The following ADAMTSL1 variants were observed in gnomAD, a reference collection of about 807,000 sequenced individuals.
ADAMTSL1 encodes ADAMTS-like protein 1.
A neutral mutation model predicts 201.8 loss-of-function variants in ADAMTSL1; 126 were observed. That is an observed-to-expected ratio of 0.62 (90% confidence interval 0.54 to 0.72). The LOEUF (loss-of-function observed/expected upper bound fraction) is 0.72. Among genes scored for constraint, ADAMTSL1 ranks in the 30% least tolerant of loss-of-function variants. The pLI is 0.00. For synonymous variants in ADAMTSL1, 1,121 were observed against 903.4 expected (o/e 1.24, Z -4.32); for missense variants, 2,679 against 2,277.8 (o/e 1.18, Z -3.59).
chr9:18,517,554 G>A (rs1818431443), intron 2 of ADAMTSL1, among the ~76,000 whole-genome samples: 4 of 150,064 alleles, frequency 2.7e-5, no homozygotes, highest in Admixed American at 6.6e-5. Flanking sequence ...ATCTCCCAAT[G>A]CTATCCCTCC....
intron 2 of ADAMTSL1, among the ~76,000 whole-genome samples, chr9:18,280,563 T>A (rs1832745153): frequency 6.6e-6 from 1 of 152,172 alleles, no homozygotes. Flanking sequence ...GAGTAGGAGG[T>A]TAAGCCTTCT....
chr9:18,183,487 T>C (rs1001745982), intron 2 of ADAMTSL1, among the ~76,000 whole-genome samples: 4 of 152,146 alleles, frequency 2.6e-5, no homozygotes, highest in African/African-American at 9.7e-5. Context: ...TGAAAAAGCA[T>C]TATTATCTAA....
chr9:17,976,196 C>G (rs1308388315), intron 1 of ADAMTSL1, among the ~76,000 whole-genome samples: 3 of 151,106 alleles, frequency 2.0e-5, no homozygotes, highest in Non-Finnish European at 4.4e-5. Context: ...ATCGCTTTAG[C>G]TATTTGGGGA....
chr9:18,278,825 C>G (rs1447179207), intron 2 of ADAMTSL1, among the ~76,000 whole-genome samples: 1 of 152,058 alleles, frequency 6.6e-6, no homozygotes, highest in Non-Finnish European at 1.5e-5. Flanking sequence ...CATAAGTTCT[C>G]TAGGCTTTCT....
intron 1 of ADAMTSL1, among the ~76,000 whole-genome samples, chr9:18,122,825 C>T (rs1471483688): frequency 6.6e-6 from 1 of 152,020 alleles, no homozygotes; most frequent in East Asian, 1.9e-4. Context: ...GTAGCCTCAA[C>T]CTCCCCAGGC....
intron 5 of ADAMTSL1, chr9:18,622,669 G>A: frequency 1.9e-6 from 1 of 529,924 alleles, no homozygotes; most frequent in Admixed American, 3.4e-5. Context: ...AGGACAGACT[G>A]TATCCCAGCT....
chr9:18,900,100 C>G (rs1209490035), intron 26 of ADAMTSL1, among the ~76,000 whole-genome samples: 2 of 151,930 alleles, frequency 1.3e-5, no homozygotes, highest in Non-Finnish European at 2.9e-5. Context: ...GAAAATAACT[C>G]CATTAAAAAG....
At chr9:18,138,058 G>C (rs989236788) in intron 1 of ADAMTSL1, among the ~76,000 whole-genome samples, 1 of 152,104 alleles carries the variant, frequency 6.6e-6, no homozygotes, top group Non-Finnish European at 1.5e-5. Context: ...AGCAGGGTTT[G>C]ATTCCCTGCT....
intron 2 of ADAMTSL1, among the ~76,000 whole-genome samples, chr9:18,273,892 A>G (rs1832482972): frequency 1.3e-5 from 2 of 152,242 alleles, no homozygotes; most frequent in South Asian, 4.1e-4. Context: ...ATCATTGTCA[A>G]CTGTGCAGAA....
At chr9:17,927,845 C>A (rs1345737974) in intron 1 of ADAMTSL1, among the ~76,000 whole-genome samples, 1 of 152,072 alleles carries the variant, frequency 6.6e-6, no homozygotes, top group East Asian at 1.9e-4. Context: ...CTAAGAACAG[C>A]TGTATATATA....
intron 1 of ADAMTSL1, among the ~76,000 whole-genome samples, chr9:18,095,671 G>C (rs542180536): frequency 6.6e-6 from 1 of 152,020 alleles, no homozygotes; most frequent in Admixed American, 6.6e-5. Context: ...TGATCCACCC[G>C]CCTCAGCCTC....
chr9:18,586,923 T>C (rs926848777), intron 4 of ADAMTSL1, among the ~76,000 whole-genome samples: 1 of 152,074 alleles, frequency 6.6e-6, no homozygotes. Flanking sequence ...ACCCCTTCCT[T>C]ATATCATAGA....
chr9:18,079,448 GT>G (rs1029606430), intron 1 of ADAMTSL1, among the ~76,000 whole-genome samples: 63 of 152,090 alleles, frequency 4.1e-4, no homozygotes, highest in Admixed American at 1.3e-3. Flanking sequence ...GGAGGCCGAG[GT>G]GGGCGGATCA....
At chr9:18,788,638 C>T (rs1821848804) in intron 19 of ADAMTSL1, among the ~76,000 whole-genome samples, 1 of 152,308 alleles carries the variant, frequency 6.6e-6, no homozygotes, top group South Asian at 2.1e-4. Flanking sequence ...TAAATACTAG[C>T]ACCCGCTCCC....
chr9:18,364,003 T>A (rs182697744), intron 2 of ADAMTSL1, among the ~76,000 whole-genome samples: 297 of 151,744 alleles, frequency 2.0e-3, no homozygotes, highest in Admixed American at 6.2e-3. Context: ...GAAAAAAAAA[T>A]TCAAATCACA....
intron 4 of ADAMTSL1, among the ~76,000 whole-genome samples, chr9:18,607,920 T>C (rs1035168863): frequency 6.6e-6 from 1 of 152,226 alleles, no homozygotes; most frequent in Non-Finnish European, 1.5e-5. Context: ...TCATTTTTTA[T>C]GACTACATAG....
intron 1 of ADAMTSL1, among the ~76,000 whole-genome samples, chr9:18,037,686 C>T (rs1320873692): frequency 6.6e-6 from 1 of 152,100 alleles, no homozygotes; most frequent in African/African-American, 2.4e-5. Context: ...GAACCCAAAT[C>T]CTGATGCATA....
chr9:18,138,012 G>T (rs931188733), intron 1 of ADAMTSL1, among the ~76,000 whole-genome samples: 2 of 152,140 alleles, frequency 1.3e-5, no homozygotes, highest in Non-Finnish European at 2.9e-5. Flanking sequence ...GCCCTGAGAT[G>T]CATAACCTTT....
chr9:18,631,468 G>C, intron 5 of ADAMTSL1, among the ~76,000 whole-genome samples: 1 of 152,122 alleles, frequency 6.6e-6, no homozygotes, highest in East Asian at 1.9e-4. Context: ...ATAGTCAATT[G>C]TATTTTAAAA....
Sources: gnomAD v4.1 joint callset for allele counts (sites outside exome capture counted in the v4.1 genomes callset) on GRCh38, gnomAD v4.1.1 for gene constraint, MANE v1.5 for transcripts, NCBI Gene and HGNC (gene_info 2026-07-23, HGNC 2026-07-21) for gene names.